The following NTN1 variants were observed in gnomAD, a reference collection of about 807,000 sequenced individuals.
The protein encoded by NTN1 is netrin-1.
In NTN1, 11 loss-of-function variants were observed where a neutral mutation model predicts 54.2. The observed-to-expected ratio is 0.20, with a 90% CI of 0.13 to 0.34. The LOEUF (loss-of-function observed/expected upper bound fraction) is 0.34. Among genes scored for constraint, NTN1 ranks in the 10% least tolerant of loss-of-function variants. NTN1 has a pLI of 1.00. For missense variants in NTN1, 740 were observed against 893.1 expected, an observed-to-expected ratio of 0.83 and a Z score of 2.18; for synonymous variants, 371 against 382.0, an observed-to-expected ratio of 0.97 and a Z score of 0.33.
In NTN1 at chr17:9,211,897, C is replaced by A. The variant is rs756169897; in HGVS notation, c.1412-9271C>A. The stretch of plus-strand genomic sequence containing the variant: ...TTTTTCTTAGTGATTCAGAAGAGTT[C>A]TTTATATGTGAAAGACACCAGTCCT... On this transcript the variant is annotated intron_variant, in intron 5 of 6. Transcript: ENST00000173229. The surrounding 1 kb of genome is among the most constrained non-coding windows in gnomAD (Gnocchi z 4.4). Among the ~76,000 whole-genome samples, 8 of 152,140 alleles carry A rather than the reference C, an allele frequency of 5.3e-5. No individual in the cohort carries two copies. The highest frequency in any genetic ancestry group is 1.0e-4 in the Non-Finnish European group (7 of 68,026).
At position 9,242,339 on chromosome 17, in the gene NTN1, G is replaced by C. The variant is rs546327079; in HGVS notation, c.*2371G>C. 24 of 152,390 alleles carry C rather than the reference G, an allele frequency of 1.6e-4. No individual in the cohort carries two copies. Among genetic ancestry groups the C allele is most frequent in the African/African-American group, 5.3e-4 (22 of 41,574 alleles). The allele number at this position is 152,390 out of a possible 1,614,324, so 9.4% of individuals were successfully genotyped here. A position where few individuals can be genotyped will look rare whatever the true frequency, so the allele number is the denominator to read the frequency against. On this transcript the variant is annotated 3_prime_UTR_variant, in exon 7 of 7. Transcript: ENST00000173229. Reference sequence around the variant, plus strand: ...CCTCTCCAAGCTGTCAGCGCCCCTCGGATGCCCAGTGTGGTGTGCTGGGCG... The same window carrying C: ...CCTCTCCAAGCTGTCAGCGCCCCTCCGATGCCCAGTGTGGTGTGCTGGGCG...
intron 2 of NTN1, among the ~76,000 whole-genome samples, chr17:9,085,531 G>A (rs948254791): frequency 6.6e-6 from 1 of 152,214 alleles, no homozygotes. Context: ...GTGGAGGATG[G>A]ATATTGGCAA....
At chr17:9,008,068 C>G in the NTN1 span, among the ~76,000 whole-genome samples, 1 of 152,092 alleles carries the variant, frequency 6.6e-6, no homozygotes, top group Non-Finnish European at 1.5e-5. Context: ...AGTGATCTAT[C>G]TGACCCTGAG....
chr17:9,074,516 A>T (rs1365578071), intron 2 of NTN1, among the ~76,000 whole-genome samples: 1 of 152,196 alleles, frequency 6.6e-6, no homozygotes, highest in Non-Finnish European at 1.5e-5. Flanking sequence ...CAGAGGCGTG[A>T]CTGTGAAGAA....
rs1274176016 is a variant in NTN1, at chr17:9,055,894, A to G, written c.1018+32503A>G. Among the ~76,000 whole-genome samples the G allele has an allele frequency of 3.4e-5, 4 of 118,870 alleles. No homozygotes were observed. The East Asian group carries it at 9.7e-4, about 29-fold the overall frequency. The allele number at this position is 118,870 out of a possible 152,430, so 78.0% of individuals were successfully genotyped here. ...ATGCCATTATGCCTGGCTAATTTTT[A>G]TTTTTTGTTTTTTTGTTTTTGAGAC... On this transcript the variant is annotated intron_variant, in intron 2 of 6. Transcript: ENST00000173229.
chr17:9,153,880 ACT>A (rs2092334736), intron 2 of NTN1, among the ~76,000 whole-genome samples: 1 of 151,720 alleles, frequency 6.6e-6, no homozygotes, highest in Non-Finnish European at 1.5e-5. Context: ...GCGTGGACTG[ACT>A]CTACCTGTTG....
At chr17:9,162,664 G>T in intron 2 of NTN1, 149 bp from the exon 3 acceptor site, 1 of 731,322 alleles carries the variant, frequency 1.4e-6, no homozygotes, top group Admixed American at 2.3e-5. Flanking sequence ...AGGAGGAGCC[G>T]AGGAGGAGCT....
At chr17:9,120,673 G>A (rs1417453400) in intron 2 of NTN1, among the ~76,000 whole-genome samples, 1 of 152,200 alleles carries the variant, frequency 6.6e-6, no homozygotes, top group Non-Finnish European at 1.5e-5. Flanking sequence ...GCGCCCCCAA[G>A]AGGCTGCTGG....
At chr17:9,007,384 G>T in the NTN1 span, among the ~76,000 whole-genome samples, 38 of 105,748 alleles carry the variant, frequency 3.6e-4, no homozygotes, top group South Asian at 8.6e-4. Flanking sequence ...TTCCTTCCTT[G>T]TCTTTCTCTC....
intron 2 of NTN1, among the ~76,000 whole-genome samples, chr17:9,029,081 GCCTGTTGT>G (rs922189340): frequency 2.6e-5 from 4 of 152,010 alleles, no homozygotes; most frequent in African/African-American, 9.7e-5. Context: ...ACAGCATTTT[GCCTGTTGT>G]CTGGAAGCCC....
At chr17:9,130,293 T>G (rs1359939897) in intron 2 of NTN1, among the ~76,000 whole-genome samples, 1 of 152,082 alleles carries the variant, frequency 6.6e-6, no homozygotes, top group Non-Finnish European at 1.5e-5. Flanking sequence ...GTGTCCCTGC[T>G]CCTCCGCTGT....
At chr17:9,179,686 C>G in intron 3 of NTN1, 121 bp from the exon 4 acceptor site, 7 of 1,259,590 alleles carry the variant, frequency 5.6e-6, no homozygotes, top group Non-Finnish European at 7.6e-6. Context: ...GGGCCTGCTC[C>G]CCATCGCTGC....
intron 4 of NTN1, among the ~76,000 whole-genome samples, chr17:9,180,244 G>A (rs2092414766): frequency 6.6e-6 from 1 of 152,210 alleles, no homozygotes. Context: ...TCGCTGTGTT[G>A]GCCAGGCTGG....
At chr17:9,019,284 C>T (rs1253291851), upstream of NTN1, among the ~76,000 whole-genome samples, 1 of 152,162 alleles carries the variant, frequency 6.6e-6, no homozygotes, top group Non-Finnish European at 1.5e-5. Context: ...CCACTATTAA[C>T]TGTGTTGTCT....
In NTN1 at chr17:9,135,925, C is replaced by A. The variant is rs139300552; in HGVS notation, c.1019-26888C>A. On this transcript the variant is annotated intron_variant, in intron 2 of 6. Transcript: ENST00000173229. The surrounding 1 kb of genome is among the most constrained non-coding windows in gnomAD (Gnocchi z 4.4). ...GCAGCATGAACACTGCCACCCCAAA[C>A]GTGTCTGTGTGCGCACGCTCACTCA... 2.6e-5 allele frequency among the ~76,000 whole-genome samples: 4 copies of A among 152,220 alleles called. No individual in the cohort carries two copies. Among genetic ancestry groups the A allele is most frequent in the African/African-American group, 9.7e-5 (4 of 41,448 alleles).
chr17:9,078,202 C>T (rs2092058336), intron 2 of NTN1, among the ~76,000 whole-genome samples: 1 of 152,214 alleles, frequency 6.6e-6, no homozygotes, highest in African/African-American at 2.4e-5. Context: ...TTTCATGAGG[C>T]TCTCACAGTC....
intron 2 of NTN1, among the ~76,000 whole-genome samples, chr17:9,131,623 C>T (rs1268183741): frequency 6.6e-6 from 1 of 150,952 alleles, no homozygotes; most frequent in African/African-American, 2.4e-5. Flanking sequence ...CTCTGTTGCC[C>T]AGGCTACTAT....
chr17:9,222,625 G>C (rs1425895323), intron 6 of NTN1, among the ~76,000 whole-genome samples: 1 of 152,156 alleles, frequency 6.6e-6, no homozygotes, highest in East Asian at 1.9e-4. Context: ...AAGAAGAGGG[G>C]TGAGAAGCGA....
intron 6 of NTN1, among the ~76,000 whole-genome samples, chr17:9,230,066 T>G (rs1597551409): frequency 1.3e-4 from 1 of 7,594 alleles, no homozygotes; most frequent in Non-Finnish European, 2.1e-4. Flanking sequence ...TGACGGACTC[T>G]TCCCCCTCAG....
Sources: gnomAD v4.1 joint callset for allele counts (sites outside exome capture counted in the v4.1 genomes callset) on GRCh38, gnomAD v4.1.1 for gene constraint, Gnocchi (gnomAD v3.1) non-coding constraint, MANE v1.5 for transcripts, NCBI Gene and HGNC (gene_info 2026-07-23, HGNC 2026-07-21) for gene names.